The following MORN1 variants were observed in gnomAD, a reference collection of about 807,000 sequenced individuals.
MORN1 encodes the protein MORN repeat-containing protein 1.
In MORN1, 67 loss-of-function variants were observed where a neutral mutation model predicts 61.9. The ratio of observed to expected loss-of-function variants is 1.08; its 90% CI spans 0.89 to 1.33. The LOEUF is 1.33. Ranked by LOEUF, MORN1 falls within the 40% of genes most tolerant of loss-of-function variation. MORN1 has a pLI of 0.00. For synonymous variants in MORN1, 301 were observed against 292.0 expected (o/e 1.03, Z -0.31); for missense variants, 752 against 691.2 (o/e 1.09, Z -0.99).
intron 12 of MORN1, among the ~76,000 whole-genome samples, chr1:2,330,982 G>A (rs984058299): frequency 1.3e-5 from 2 of 152,232 alleles, no homozygotes; most frequent in East Asian, 1.9e-4. Flanking sequence ...GTGGAATTCC[G>A]TAACACGCCT....
intron 8 of MORN1, among the ~76,000 whole-genome samples, chr1:2,367,456 C>CAAA (rs3065235): frequency 0.01 from 1,483 of 144,186 alleles, 16 homozygotes; most frequent in African/African-American, 0.028. Flanking sequence ...TCTGTCTCTA[C>CAAA]AAAAAAAAAA....
At chr1:2,355,075 G>T (rs886520279) in intron 10 of MORN1, 1 of 816,542 alleles carries the variant, frequency 1.2e-6, no homozygotes, top group Non-Finnish European at 1.5e-6. Context: ...CAGTGGGGCC[G>T]GCGCGGGGGG....
At chr1:2,324,614 G>C (rs1354231337) in intron 12 of MORN1, among the ~76,000 whole-genome samples, 2 of 152,136 alleles carry the variant, frequency 1.3e-5, no homozygotes, top group Non-Finnish European at 2.9e-5. Context: ...TGCCCCCTTG[G>C]AGGAACAGAG....
chr1:2,371,406 A>G (rs1642120339), intron 8 of MORN1: 1 of 152,256 alleles, frequency 6.6e-6, no homozygotes, highest in African/African-American at 2.4e-5. Flanking sequence ...CAAACAGCCA[A>G]TCAACACAGC....
intron 10 of MORN1, among the ~76,000 whole-genome samples, chr1:2,341,102 C>A (rs1473196099): frequency 6.6e-6 from 1 of 152,244 alleles, no homozygotes; most frequent in Non-Finnish European, 1.5e-5. Flanking sequence ...CACACCACCT[C>A]GGTCTGGTGG....
intron 7 of MORN1, among the ~76,000 whole-genome samples, chr1:2,373,388 C>A (rs865819491): frequency 4.6e-5 from 7 of 152,242 alleles, no homozygotes; most frequent in Non-Finnish European, 8.8e-5. Flanking sequence ...CCAGAGCCCA[C>A]CTTGGCTCGG....
At chr1:2,361,706 T>C (rs1641893672) in intron 8 of MORN1, among the ~76,000 whole-genome samples, 1 of 152,194 alleles carries the variant, frequency 6.6e-6, no homozygotes, top group Admixed American at 6.5e-5. Context: ...AACCTGGAAA[T>C]GCAGTTGACC....
chr1:2,379,007 C>T (rs1395072890), intron 6 of MORN1: 1 of 470,934 alleles, frequency 2.1e-6, no homozygotes, highest in Non-Finnish European at 4.4e-6. Context: ...TTCAGGAATG[C>T]ATTTTTTTCT....
chr1:2,380,176 CAG>C (rs555065141), intron 6 of MORN1, among the ~76,000 whole-genome samples: 132 of 152,318 alleles, frequency 8.7e-4, no homozygotes, highest in Admixed American at 2.7e-3. Flanking sequence ...CTGAGATCAG[CAG>C]AGTCTACAAA....
At chr1:2,360,398 G>A (rs1641868745) in intron 8 of MORN1, among the ~76,000 whole-genome samples, 1 of 152,202 alleles carries the variant, frequency 6.6e-6, no homozygotes, top group Non-Finnish European at 1.5e-5. Flanking sequence ...CGGACACCAG[G>A]CAACTCAGGA....
In MORN1 at chr1:2,327,459, AAC is replaced by A. The variant is rs1212602555; in HGVS notation, c.1251-3318_1251-3317del. 2.0e-5 allele frequency among the ~76,000 whole-genome samples: 3 copies of A among 150,988 alleles called. No individual in the cohort carries two copies. The East Asian group carries it at 5.8e-4, about 29-fold the overall frequency. On this transcript the variant is annotated intron_variant, in intron 12 of 13. Coordinates refer to ENST00000378531, the MANE Select transcript of MORN1 (RefSeq NM_024848.3). ...AGCGACGCAGAAACACAGCAACACA[AAC>A]ACAGAAACACAGAAACACACAGAAA...
chr1:2,330,341 T>A (rs1641122958), intron 12 of MORN1, among the ~76,000 whole-genome samples: 2 of 152,202 alleles, frequency 1.3e-5, no homozygotes, highest in African/African-American at 2.4e-5. Context: ...GGCTGCTGGC[T>A]CCAAGGCCAT....
chr1:2,322,088 G>T (rs980517440), intron 13 of MORN1: 3 of 985,442 alleles, frequency 3.0e-6, no homozygotes, highest in African/African-American at 1.7e-5. Context: ...CCCCACACCC[G>T]CGCTGGGGCT....
rs943016564 is a variant in MORN1 at position 2,356,603 on chromosome 1, G to A, written c.1036+829C>T. ...GTGGGGACCCCCACGCCCGACCCCCGTTTACTGAGCCTTGGGGTGCAGGGC... is the reference window on the plus strand; with the variant it reads ...GTGGGGACCCCCACGCCCGACCCCCATTTACTGAGCCTTGGGGTGCAGGGC... On this transcript the variant is annotated intron_variant, in intron 10 of 13. Transcript: ENST00000378531. Among the ~76,000 whole-genome samples the A allele has an allele frequency of 2.6e-5, 4 of 152,168 alleles. No homozygotes were observed. In the South Asian group the frequency reaches 6.2e-4, roughly 24 times the overall value.
intron 10 of MORN1, among the ~76,000 whole-genome samples, chr1:2,344,022 G>A (rs548608144): frequency 6.6e-6 from 1 of 152,200 alleles, no homozygotes; most frequent in South Asian, 2.1e-4. Context: ...CAACTTCCCT[G>A]GGACCTCCTT....
At chr1:2,329,197 C>CAT (rs1641096601) in intron 12 of MORN1, among the ~76,000 whole-genome samples, 1 of 152,196 alleles carries the variant, frequency 6.6e-6, no homozygotes, top group Non-Finnish European at 1.5e-5. Context: ...GCCCCTCCGT[C>CAT]TGCTGTGGGG....
intron 13 of MORN1, chr1:2,323,876 C>T (rs916116542): frequency 2.3e-4 from 222 of 985,174 alleles, no homozygotes; most frequent in Non-Finnish European, 2.6e-4. Context: ...GTCGGCCCAG[C>T]TTCAAATCTT....
rs559312743 is a variant in MORN1 at position 2,372,758 on chromosome 1, C to A, written c.635-167G>T. 7.6e-6 allele frequency among the ~76,000 whole-genome samples: 1 copy of A among 131,560 alleles called. No individual in the cohort carries two copies. The highest frequency in any genetic ancestry group is 1.7e-5 in the Non-Finnish European group (1 of 57,202). The allele number at this position is 131,560 out of a possible 152,430, so 86.3% of individuals were successfully genotyped here. ...CTCCGCAAACCACCTTGCAGAGCAGCGACCTGGGCAGTCGTCCACACTCAG... is the reference window on the plus strand; with the variant it reads ...CTCCGCAAACCACCTTGCAGAGCAGAGACCTGGGCAGTCGTCCACACTCAG... On this transcript the variant is annotated intron_variant, in intron 7 of 13. Coordinates refer to ENST00000378531, the MANE Select transcript of MORN1 (RefSeq NM_024848.3). The surrounding 1 kb of genome is among the most constrained non-coding windows in gnomAD (Gnocchi z 5.4).
At chr1:2,338,689 A>G (rs1229026841) in intron 10 of MORN1, among the ~76,000 whole-genome samples, 2 of 152,220 alleles carry the variant, frequency 1.3e-5, no homozygotes, top group Admixed American at 6.5e-5. Flanking sequence ...CCCAGCAGGC[A>G]TTCCTGGCGT....
Sources: allele counts gnomAD v4.1 joint callset (sites outside exome capture counted in the v4.1 genomes callset), GRCh38; gene constraint gnomAD v4.1.1; non-coding constraint Gnocchi (gnomAD v3.1); transcripts MANE v1.5; gene names NCBI Gene and HGNC (gene_info 2026-07-23, HGNC 2026-07-21).